The following SPOCK1 variants were observed in gnomAD, a reference collection of about 807,000 sequenced individuals.
The protein encoded by SPOCK1 is SPARC (osteonectin), cwcv and kazal like domains proteoglycan 1.
Under a neutral mutation model 55.3 loss-of-function variants are expected in SPOCK1, and 23 were observed. That is an observed-to-expected ratio of 0.42 (90% CI 0.30 to 0.59). The LOEUF (loss-of-function observed/expected upper bound fraction) is 0.59. Ranked by LOEUF, SPOCK1 falls within the 20% of genes least tolerant of loss-of-function variation. SPOCK1 has a pLI of 0.22. For missense variants in SPOCK1, 499 were observed against 552.5 expected, an observed-to-expected ratio of 0.90 and a Z score of 0.97; for synonymous variants, 226 against 221.0, an observed-to-expected ratio of 1.02 and a Z score of -0.20.
intron 6 of SPOCK1, among the ~76,000 whole-genome samples, chr5:137,008,539 T>C (rs1751294405): frequency 6.6e-6 from 1 of 152,212 alleles, no homozygotes; most frequent in Non-Finnish European, 1.5e-5. Flanking sequence ...TTCTATACAG[T>C]TAACCAGGAA....
intron 2 of SPOCK1, among the ~76,000 whole-genome samples, chr5:137,485,092 A>G (rs1219341517): frequency 3.3e-5 from 5 of 152,190 alleles, no homozygotes. Context: ...GGAATAATTT[A>G]TTTCACTCTT....
chr5:137,233,910 G>T (rs992455472), intron 3 of SPOCK1, among the ~76,000 whole-genome samples: 2 of 152,032 alleles, frequency 1.3e-5, no homozygotes, highest in African/African-American at 4.8e-5. Context: ...CCTCACTGCA[G>T]TGACCACAAT....
At chr5:137,418,475 T>C (rs1191545994) in intron 2 of SPOCK1, among the ~76,000 whole-genome samples, 15 of 152,118 alleles carry the variant, frequency 9.9e-5, no homozygotes. Flanking sequence ...TGTTGTTTCC[T>C]GACTTTTTAA....
At chr5:137,249,010 G>C (rs892744467) in intron 3 of SPOCK1, among the ~76,000 whole-genome samples, 2 of 152,170 alleles carry the variant, frequency 1.3e-5, no homozygotes, top group Non-Finnish European at 2.9e-5. Context: ...TAGTGTCACC[G>C]TGTATTAATT....
chr5:137,484,863 T>C (rs2149843419), intron 2 of SPOCK1, among the ~76,000 whole-genome samples: 1 of 152,288 alleles, frequency 6.6e-6, no homozygotes, highest in East Asian at 1.9e-4. Flanking sequence ...ACCATTAAAA[T>C]GTCATTTACA....
chr5:137,264,229 T>C (rs1469496062), intron 3 of SPOCK1, among the ~76,000 whole-genome samples: 2 of 152,164 alleles, frequency 1.3e-5, no homozygotes, highest in Non-Finnish European at 2.9e-5. Context: ...TTAGCAAGTA[T>C]GTTTTTGGGT....
intron 6 of SPOCK1, among the ~76,000 whole-genome samples, chr5:137,022,913 C>G (rs529007466): frequency 1.3e-5 from 2 of 152,182 alleles, no homozygotes; most frequent in Non-Finnish European, 2.9e-5. Flanking sequence ...GCAGCTCACA[C>G]GAGGGACCAG....
At chr5:137,232,148 C>T (rs1756075730) in intron 3 of SPOCK1, among the ~76,000 whole-genome samples, 1 of 152,132 alleles carries the variant, frequency 6.6e-6, no homozygotes, top group African/African-American at 2.4e-5. Context: ...TCTAGTTTGT[C>T]TTTTCACTTC....
chr5:137,100,045 T>C (rs1753232408), intron 5 of SPOCK1, among the ~76,000 whole-genome samples: 1 of 152,128 alleles, frequency 6.6e-6, no homozygotes, highest in Middle Eastern at 3.2e-3. Flanking sequence ...TCAGAGAGTT[T>C]TCAGGGACTC....
chr5:137,330,433 C>G (rs1758151621), intron 2 of SPOCK1, among the ~76,000 whole-genome samples: 1 of 152,140 alleles, frequency 6.6e-6, no homozygotes, highest in African/African-American at 2.4e-5. Context: ...ATTTTAAAGC[C>G]ACATATCTCT....
chr5:137,101,375 G>T lies in SPOCK1; in HGVS notation c.474+11060C>A, dbSNP rs12522252. ...GTGAGGCCAAGCATCTTCGTGTTCA[G>T]GTAATTGCTTTATCAAATGGCTTAA... On this transcript the variant is annotated intron_variant, in intron 5 of 10. Transcript: ENST00000394945. 3.3e-5 allele frequency among the ~76,000 whole-genome samples: 5 copies of T among 152,284 alleles called. No homozygotes were observed. The East Asian group carries it at 9.6e-4, about 29-fold the overall frequency.
At chr5:137,075,578 C>T (rs1332159707) in intron 5 of SPOCK1, among the ~76,000 whole-genome samples, 1 of 152,242 alleles carries the variant, frequency 6.6e-6, no homozygotes, top group Non-Finnish European at 1.5e-5. Context: ...TGATTTAGCA[C>T]ACCCTTTTCT....
At chr5:137,366,821 G>A (rs542375939) in intron 2 of SPOCK1, among the ~76,000 whole-genome samples, 2 of 152,364 alleles carry the variant, frequency 1.3e-5, no homozygotes, top group Admixed American at 1.3e-4. Context: ...GGCTCTAAGA[G>A]AAGGTGAGAG....
chr5:137,076,606 G>GT, intron 5 of SPOCK1, among the ~76,000 whole-genome samples: 1 of 53,864 alleles, frequency 1.9e-5, no homozygotes, highest in South Asian at 5.2e-4. Context: ...TGGACTGAAA[G>GT]TAAAAAAAAA....
At chr5:137,198,860 C>T (rs1561469287) in intron 3 of SPOCK1, among the ~76,000 whole-genome samples, 1 of 152,186 alleles carries the variant, frequency 6.6e-6, no homozygotes, top group South Asian at 2.1e-4. Context: ...CATAACTCTT[C>T]TGAATAAATA....
chr5:137,084,918 T>G (rs1471623143), intron 5 of SPOCK1, among the ~76,000 whole-genome samples: 1 of 124,396 alleles, frequency 8.0e-6, no homozygotes, highest in Non-Finnish European at 1.6e-5. Flanking sequence ...TGCTTTGGGA[T>G]CCATCCTCAT....
chr5:136,989,815 T>A (rs1382895898), intron 7 of SPOCK1, among the ~76,000 whole-genome samples: 3 of 152,172 alleles, frequency 2.0e-5, no homozygotes, highest in Non-Finnish European at 4.4e-5. Flanking sequence ...TGGGGTCAGT[T>A]GCCCATCATT....
chr5:137,163,120 T>G (rs1243462785), intron 3 of SPOCK1, among the ~76,000 whole-genome samples: 1 of 152,132 alleles, frequency 6.6e-6, no homozygotes, highest in Non-Finnish European at 1.5e-5. Context: ...CTCCAAAAAC[T>G]ACCATTGGCC....
intron 2 of SPOCK1, among the ~76,000 whole-genome samples, chr5:137,433,462 A>G (rs1752792121): frequency 2.0e-5 from 3 of 152,228 alleles, no homozygotes; most frequent in African/African-American, 7.2e-5. Context: ...AAAATTGTCA[A>G]TTCAATCATT....
Sources: gnomAD v4.1 joint callset for allele counts (sites outside exome capture counted in the v4.1 genomes callset) on GRCh38, gnomAD v4.1.1 for gene constraint, MANE v1.5 for transcripts, NCBI Gene and HGNC (gene_info 2026-07-23, HGNC 2026-07-21) for gene names.